SIPA1L2: variants seen among roughly 807,000 people sequenced by gnomAD.
The protein encoded by SIPA1L2 is signal-induced proliferation-associated 1-like protein 2.
Under a neutral mutation model 163.9 loss-of-function variants are expected in SIPA1L2, and 56 were observed. The ratio of observed to expected loss-of-function variants is 0.34; its 90% CI spans 0.28 to 0.43. The LOEUF is 0.43. SIPA1L2 is among the 20% of genes least tolerant of loss of function. The pLI is 1.00. For missense variants in SIPA1L2, 1,974 were observed against 2,193.5 expected (o/e 0.90, Z 2.00); for synonymous variants, 877 against 865.7 (o/e 1.01, Z -0.23).
chr1:232,591,359 T>A (rs539549053), intron 1 of SIPA1L2, among the ~76,000 whole-genome samples: 3 of 152,320 alleles, frequency 2.0e-5, no homozygotes, highest in Non-Finnish European at 4.4e-5. Context: ...CATGACGGGA[T>A]CAGTCCTGTA....
At chr1:232,459,764 C>T (rs1214095049) in intron 10 of SIPA1L2, among the ~76,000 whole-genome samples, 2 of 152,142 alleles carry the variant, frequency 1.3e-5, no homozygotes, top group Non-Finnish European at 2.9e-5. Context: ...CTGCCCACCT[C>T]GACCTCCCAA....
In SIPA1L2 at chr1:232,399,447, A is replaced by C. The variant is rs151240371; in HGVS notation, c.5023-174T>G. The stretch of plus-strand genomic sequence containing the variant: ...CTGATCCTGATTCCTGCTGATGACA[A>C]AGGGATGGGAATGAACACTCCACAC... On this transcript the variant is annotated intron_variant, in intron 22 of 22. Coordinates refer to ENST00000674635, the MANE Select transcript of SIPA1L2 (RefSeq NM_020808.5). Among the ~76,000 whole-genome samples, 219 of 151,972 alleles carry C rather than the reference A, an allele frequency of 1.4e-3. 1 individual carries two copies. Among genetic ancestry groups the C allele is most frequent in the African/African-American group, 5.0e-3 (209 of 41,448 alleles).
intron 3 of SIPA1L2, among the ~76,000 whole-genome samples, chr1:232,510,900 A>T (rs888068883): frequency 6.6e-6 from 1 of 152,224 alleles, no homozygotes; most frequent in African/African-American, 2.4e-5. Flanking sequence ...ATGTTCTAGT[A>T]TTTCAAAGTC....
intron 1 of SIPA1L2, among the ~76,000 whole-genome samples, chr1:232,597,473 C>A (rs553721067): frequency 1.3e-5 from 2 of 149,526 alleles, no homozygotes; most frequent in South Asian, 2.1e-4. Context: ...GTCAGGAGAT[C>A]GAGACCATCC....
intron 12 of SIPA1L2, among the ~76,000 whole-genome samples, chr1:232,442,255 G>GA (rs569555017): frequency 0.09 from 12,821 of 142,396 alleles, 932 homozygotes; most frequent in Admixed American, 0.2. Flanking sequence ...TTTTTCTTAA[G>GA]AAAAAAAAAA....
intron 12 of SIPA1L2, among the ~76,000 whole-genome samples, chr1:232,442,758 C>A (rs1278647244): frequency 6.6e-6 from 1 of 152,028 alleles, no homozygotes; most frequent in African/African-American, 2.4e-5. Flanking sequence ...AAAAAGAACA[C>A]CAAAAAAGCC....
At chr1:232,410,571 C>G (rs1208551132) in intron 19 of SIPA1L2, among the ~76,000 whole-genome samples, 4 of 151,150 alleles carry the variant, frequency 2.6e-5, no homozygotes, top group Non-Finnish European at 5.9e-5. Flanking sequence ...TACGCAAGGG[C>G]ATCATTACTC....
intron 11 of SIPA1L2, among the ~76,000 whole-genome samples, chr1:232,444,348 T>C (rs565010484): frequency 1.4e-4 from 21 of 152,318 alleles, no homozygotes; most frequent in Non-Finnish European, 2.8e-4. Context: ...TAAATTTACT[T>C]AAATAAGGGA....
intron 3 of SIPA1L2, among the ~76,000 whole-genome samples, chr1:232,506,055 A>G (rs1219396444): frequency 2.6e-5 from 4 of 152,190 alleles, no homozygotes; most frequent in Non-Finnish European, 5.9e-5. Flanking sequence ...CTGTCACATT[A>G]GTGACACTTA....
Position 232,483,906 on chromosome 1 carries a change from C to T in SIPA1L2, c.1867G>A (p.Glu623Lys). 1 of 1,614,100 alleles carries T rather than the reference C, an allele frequency of 6.2e-7. No individual in the cohort carries two copies. The highest frequency in any genetic ancestry group is 1.1e-5 in the South Asian group (1 of 91,080). Residue 623 changes from glutamate to lysine, a missense_variant, in exon 6 of 23, where the codon GAG becomes AAG. Glu to Lys is a moderately conservative substitution (Grantham distance 56). Around this residue, in one of 3 missense-constraint regions of SIPA1L2, gnomAD observed 288 missense variants for 418.9 expected, o/e 0.69. Coordinates refer to ENST00000674635, the MANE Select transcript of SIPA1L2 (RefSeq NM_020808.5). The stretch of plus-strand genomic sequence containing the variant: ...CCCGCCGTCTCATTGTTATACATCT[C>T]TTCCTCTGTGCTCTGGCCTGCTTTG... ...YCKAGQSTEEEMYNNETAGPA... is the reference protein window; with the variant it reads ...YCKAGQSTEEKMYNNETAGPA...
chr1:232,418,668 C>A (rs1661400495), intron 18 of SIPA1L2, among the ~76,000 whole-genome samples: 1 of 152,178 alleles, frequency 6.6e-6, no homozygotes, highest in African/African-American at 2.4e-5. Context: ...AAAGGCAAGC[C>A]CAGACAACCC....
chr1:232,522,781 AATGTAATAT>A (rs1422070422), intron 2 of SIPA1L2, among the ~76,000 whole-genome samples: 1 of 152,236 alleles, frequency 6.6e-6, no homozygotes, highest in African/African-American at 2.4e-5. Context: ...AATAGCTGAA[AATGTAATAT>A]ATGAGTGTAT....
At chr1:232,527,844 A>G (rs1271497161) in intron 2 of SIPA1L2, among the ~76,000 whole-genome samples, 1 of 142,730 alleles carries the variant, frequency 7.0e-6, no homozygotes, top group African/African-American at 2.6e-5. Context: ...CGATCCTCCC[A>G]CTTCACTCTC....
In SIPA1L2 at chr1:232,465,526, A is replaced by C; in HGVS notation, c.2244-110T>G. The C allele has an allele frequency of 1.2e-6, 1 of 869,204 alleles. No homozygotes were observed. The highest frequency in any genetic ancestry group is 1.8e-6 in the Non-Finnish European group (1 of 563,258). 53.8% of individuals were successfully genotyped at this position (869,204 alleles called of 1,614,324 possible). A position where few individuals can be genotyped will look rare whatever the true frequency, so the allele number is the denominator to read the frequency against. On this transcript the variant is annotated intron_variant, in intron 8 of 22. Transcript: ENST00000674635. This position sits in a 1 kb window ranked among gnomAD's most constrained non-coding sequence, Gnocchi z 4.1. The stretch of plus-strand genomic sequence containing the variant: ...CACACACACATATACATACACACAC[A>C]CACACACATATACATACACACATAC...
intron 7 of SIPA1L2, 61 bp downstream of exon 7, chr1:232,479,566 C>CA: frequency 7.6e-7 from 1 of 1,317,346 alleles, no homozygotes; most frequent in Non-Finnish European, 1.1e-6. Flanking sequence ...TCAATATCAT[C>CA]AGTGGGCCCA....
intron 18 of SIPA1L2, among the ~76,000 whole-genome samples, chr1:232,420,215 C>T (rs370543952): frequency 5.9e-5 from 9 of 151,984 alleles, no homozygotes; most frequent in East Asian, 3.9e-4. Context: ...CCCAGTTACT[C>T]GGGAGGCTGA....
At chr1:232,587,021 C>T (rs967401097) in intron 1 of SIPA1L2, among the ~76,000 whole-genome samples, 55 of 152,156 alleles carry the variant, frequency 3.6e-4, no homozygotes, top group African/African-American at 1.2e-3. Flanking sequence ...GACGGTATCA[C>T]AGGAAGGTGG....
chr1:232,484,070 GC>G, intron 5 of SIPA1L2, 104 bp from the exon 6 acceptor site: 1 of 1,086,150 alleles, frequency 9.2e-7, no homozygotes, highest in Non-Finnish European at 1.3e-6. Context: ...AGGAAAGCAT[GC>G]CAGAACAATT....
Position 232,444,381 on chromosome 1 carries a change from C to A in SIPA1L2, c.3354-696G>T, listed in dbSNP as rs139848615. Among the ~76,000 whole-genome samples the A allele has an allele frequency of 1.1e-3, 165 of 152,254 alleles. 1 individual carries two copies. Among genetic ancestry groups the A allele is most frequent in the African/African-American group, 3.5e-3 (146 of 41,556 alleles). On this transcript the variant is annotated intron_variant, in intron 11 of 22. Transcript: ENST00000674635. ...GGAGGTTCTGCAGATCCCCTTCCTT[C>A]TACATGTTGCCCCTTTTACCAGGGC... is the stretch of plus-strand genomic sequence containing the variant.
Sources: allele counts gnomAD v4.1 joint callset (sites outside exome capture counted in the v4.1 genomes callset), GRCh38; gene constraint gnomAD v4.1.1; regional missense constraint gnomAD v4.1.1; non-coding constraint Gnocchi (gnomAD v3.1); transcripts MANE v1.5; gene names NCBI Gene and HGNC (gene_info 2026-07-23, HGNC 2026-07-21).